The following CGNL1 variants were observed in gnomAD, a reference collection of about 807,000 sequenced individuals.
CGNL1 encodes cingulin like 1.
In CGNL1, 132 loss-of-function variants were observed where a neutral mutation model predicts 141.2. The observed-to-expected ratio is 0.93, with a 90% CI of 0.81 to 1.08. CGNL1 has a LOEUF of 1.08. Ranked by LOEUF, CGNL1 falls within the 50% of genes least tolerant of loss-of-function variation. CGNL1 has a pLI of 0.00. For synonymous variants in CGNL1, 690 were observed against 622.1 expected (o/e 1.11, Z -1.63); for missense variants, 1,870 against 1,588.6 (o/e 1.18, Z -3.01).
chr15:57,484,915 G>A (rs140507439), intron 8 of CGNL1, among the ~76,000 whole-genome samples: 44 of 150,286 alleles, frequency 2.9e-4, no homozygotes, highest in Non-Finnish European at 4.7e-4. Flanking sequence ...TCAGTTTCTC[G>A]TTTCATTGGG....
intron 8 of CGNL1, among the ~76,000 whole-genome samples, chr15:57,483,811 TAAAG>T (rs2063755899): frequency 6.6e-6 from 1 of 152,214 alleles, no homozygotes; most frequent in Admixed American, 6.5e-5. Flanking sequence ...GTTTGGAGCT[TAAAG>T]AAAGTTTAAA....
At chr15:57,530,558 C>T (rs2031892274) in intron 13 of CGNL1, among the ~76,000 whole-genome samples, 2 of 152,184 alleles carry the variant, frequency 1.3e-5, no homozygotes, top group Admixed American at 1.3e-4. Flanking sequence ...GTAAATGCAG[C>T]TCTTGTGGAT....
At chr15:57,451,792 C>T (rs1454336613) in intron 5 of CGNL1, among the ~76,000 whole-genome samples, 191 bp downstream of exon 5, 2 of 151,648 alleles carry the variant, frequency 1.3e-5, no homozygotes, top group African/African-American at 4.8e-5. Flanking sequence ...TTAATGTAAC[C>T]AAAGCCTATA....
intron 1 of CGNL1, chr15:57,394,075 C>G (rs1398694779): frequency 2.3e-5 from 3 of 130,646 alleles, no homozygotes; most frequent in African/African-American, 5.3e-5. Flanking sequence ...ACCACAGGCA[C>G]GCACCACCAA....
At chr15:57,401,455 T>C (rs1204597268) in intron 1 of CGNL1, among the ~76,000 whole-genome samples, 1 of 152,156 alleles carries the variant, frequency 6.6e-6, no homozygotes, top group African/African-American at 2.4e-5. Context: ...TTTTAAAAAG[T>C]TCCCAAGTGA....
At chr15:57,406,149 A>C (rs1304692988) in intron 1 of CGNL1, 1 of 152,322 alleles carries the variant, frequency 6.6e-6, no homozygotes, top group Non-Finnish European at 1.5e-5. Flanking sequence ...AGAGAATCCT[A>C]CCTGTTGGCA....
At chr15:57,415,654 G>A (rs1250794794) in intron 1 of CGNL1, among the ~76,000 whole-genome samples, 2 of 152,158 alleles carry the variant, frequency 1.3e-5, no homozygotes, top group Non-Finnish European at 2.9e-5. Context: ...CTATCTCTGA[G>A]CCCCATTTGG....
chr15:57,531,905 A>G, intron 14 of CGNL1, 126 bp downstream of exon 14: 1 of 643,016 alleles, frequency 1.6e-6, no homozygotes, highest in Non-Finnish European at 2.8e-6. Context: ...TTGATGGAAG[A>G]TTGAATAGTC....
In CGNL1 at chr15:57,442,182, G is replaced by GGAAAAAAAAAAAAAAAAAA. The variant is rs1491455852; in HGVS notation, c.1698-191_1698-190insGAAAAAAAAAAAAAAAAAA. ...TTGAGTGGTAACACATCATTTATTTGAAAAAAAAAAAAAAAAAAAAAGACA... is the reference window on the plus strand; with the variant it reads ...TTGAGTGGTAACACATCATTTATTTGGAAAAAAAAAAAAAAAAAAAAAAAAAAAAAAAAAAAAAAAGACA... On this transcript the variant is annotated intron_variant, in intron 3 of 18. Coordinates refer to ENST00000281282, the MANE Select transcript of CGNL1 (RefSeq NM_032866.5). 2.1e-4 allele frequency among the ~76,000 whole-genome samples: 20 copies of GGAAAAAAAAAAAAAAAAAA among 96,496 alleles called. 1 individual carries two copies. The highest frequency in any genetic ancestry group is 1.1e-3 in the East Asian group (3 of 2,806). 63.3% of individuals were successfully genotyped at this position (96,496 alleles called of 152,430 possible).
intron 7 of CGNL1, among the ~76,000 whole-genome samples, chr15:57,454,964 A>G (rs1157900230): frequency 5.3e-5 from 8 of 152,166 alleles, no homozygotes; most frequent in South Asian, 2.1e-4. Context: ...TTTTATTTCT[A>G]TAATCTCTGT....
chr15:57,410,458 A>G (rs1001649876), intron 1 of CGNL1, among the ~76,000 whole-genome samples: 5 of 152,120 alleles, frequency 3.3e-5, no homozygotes, highest in African/African-American at 1.2e-4. Context: ...GCTGACTGCC[A>G]TCATCTCTCC....
chr15:57,470,256 C>CTTTTTTTTGTTTTTTTTTTTTTTT (rs2063564124), intron 8 of CGNL1, among the ~76,000 whole-genome samples: 1 of 113,996 alleles, frequency 8.8e-6, no homozygotes, highest in Admixed American at 1.0e-4. Context: ...TTTTGTCTCT[C>CTTTTTTTTGTTTTTTTTTTTTTTT]TTTTTTTTTT....
chr15:57,510,993 G>T (rs2030251069), intron 8 of CGNL1, among the ~76,000 whole-genome samples: 1 of 148,970 alleles, frequency 6.7e-6, no homozygotes. Context: ...GAGGAGGTGA[G>T]AACTTGGCCG....
chr15:57,507,295 ATC>A (rs2064116017), intron 8 of CGNL1, among the ~76,000 whole-genome samples: 1 of 152,200 alleles, frequency 6.6e-6, no homozygotes, highest in South Asian at 2.1e-4. Flanking sequence ...CTTGTTGAGT[ATC>A]TCTGTAGGTT....
At chr15:57,483,515 TTTTTTATATAGACAATCATGTC>T (rs1420625661) in intron 8 of CGNL1, among the ~76,000 whole-genome samples, 2 of 145,320 alleles carry the variant, frequency 1.4e-5, no homozygotes, top group Admixed American at 1.4e-4. Context: ...TTCCTTGGGA[TTTTTTATATAGACAATCATGTC>T]ATCTGCAAAC....
At chr15:57,412,592 A>T (rs1321959213) in intron 1 of CGNL1, among the ~76,000 whole-genome samples, 2 of 152,090 alleles carry the variant, frequency 1.3e-5, no homozygotes, top group Admixed American at 6.5e-5. Context: ...CCTCCACCTC[A>T]TGGGGAACTC....
intron 1 of CGNL1, among the ~76,000 whole-genome samples, chr15:57,379,077 C>T (rs2062398457): frequency 6.6e-6 from 1 of 152,008 alleles, no homozygotes; most frequent in Non-Finnish European, 1.5e-5. Flanking sequence ...TGAGTGAGAC[C>T]ATGCCAACAA....
intron 14 of CGNL1, among the ~76,000 whole-genome samples, chr15:57,538,827 G>T (rs1321424502): frequency 6.6e-6 from 1 of 152,184 alleles, no homozygotes; most frequent in East Asian, 1.9e-4. Context: ...AACTCTCCTT[G>T]TGGGTCTTCT....
chr15:57,467,541 G>A (rs2063524726), intron 8 of CGNL1, among the ~76,000 whole-genome samples: 2 of 151,974 alleles, frequency 1.3e-5, no homozygotes, highest in Non-Finnish European at 2.9e-5. Flanking sequence ...GACCGTGCTC[G>A]GATCCCAACT....
Sources: gnomAD v4.1 joint callset for allele counts (sites outside exome capture counted in the v4.1 genomes callset) on GRCh38, gnomAD v4.1.1 for gene constraint, MANE v1.5 for transcripts, NCBI Gene and HGNC (gene_info 2026-07-23, HGNC 2026-07-21) for gene names.